BEND6: variants seen among roughly 807,000 people sequenced by gnomAD.
The protein encoded by BEND6 is BEN domain containing 6.
In BEND6, 24 loss-of-function variants were observed where a neutral mutation model predicts 31.8. That is an observed-to-expected ratio of 0.75 (90% CI 0.55 to 1.06). BEND6 has a LOEUF of 1.06. Among genes scored for constraint, BEND6 ranks in the 50% least tolerant of loss-of-function variants. BEND6 has a pLI of 0.00. For synonymous variants in BEND6, 109 were observed against 114.6 expected (o/e 0.95, Z 0.31); for missense variants, 294 against 327.4 (o/e 0.90, Z 0.79).
chr6:56,971,282 T>G (rs1464397221), intron 1 of BEND6, among the ~76,000 whole-genome samples: 1 of 152,216 alleles, frequency 6.6e-6, no homozygotes, highest in Non-Finnish European at 1.5e-5. Flanking sequence ...TCAAGGTAAA[T>G]CCATGTTATA....
intron 6 of BEND6, among the ~76,000 whole-genome samples, chr6:57,020,443 C>T (rs1449751941): frequency 2.0e-5 from 3 of 152,158 alleles, no homozygotes; most frequent in Non-Finnish European, 4.4e-5. Context: ...ATTTTTGAAA[C>T]GGAGTCTTGC....
At chr6:56,990,552 C>A (rs1253216951) in intron 2 of BEND6, among the ~76,000 whole-genome samples, 2 of 152,032 alleles carry the variant, frequency 1.3e-5, no homozygotes, top group African/African-American at 4.8e-5. Flanking sequence ...CGACCTCAGG[C>A]CACTCTCTTC....
In BEND6 at chr6:57,026,114, A is replaced by G. The variant is rs1827893654; in HGVS notation, c.*42A>G. 6.6e-6 allele frequency: 1 copy of G among 152,180 alleles called. No homozygotes were observed. The highest frequency in any genetic ancestry group is 1.5e-5 in the Non-Finnish European group (1 of 68,036). 9.4% of individuals were successfully genotyped at this position (152,180 alleles called of 1,614,324 possible). A position where few individuals can be genotyped will look rare whatever the true frequency, so the allele number is the denominator to read the frequency against. On this transcript the variant is annotated 3_prime_UTR_variant, in exon 7 of 7. Coordinates refer to ENST00000370746, the MANE Select transcript of BEND6 (RefSeq NM_152731.3). Reference sequence around the variant, plus strand: ...AGGTATCTGAAACAAAGCACCTTCAATTCTAAATCTAGCACTGGATTTTGT... The same window carrying G: ...AGGTATCTGAAACAAAGCACCTTCAGTTCTAAATCTAGCACTGGATTTTGT...
intron 6 of BEND6, among the ~76,000 whole-genome samples, chr6:57,020,841 T>TTG (rs1554290994): frequency 6.8e-6 from 1 of 147,890 alleles, no homozygotes; most frequent in East Asian, 2.1e-4. Context: ...TTGTTTTTTT[T>TTG]TTTTTTTTTT....
intron 2 of BEND6, among the ~76,000 whole-genome samples, chr6:56,986,168 C>G (rs1695713693): frequency 6.6e-6 from 1 of 151,948 alleles, no homozygotes; most frequent in Non-Finnish European, 1.5e-5. Flanking sequence ...CTGCCTACTT[C>G]TGATATTAGT....
intron 3 of BEND6, among the ~76,000 whole-genome samples, chr6:57,013,109 C>T (rs1371939923): frequency 3.3e-5 from 5 of 152,140 alleles, no homozygotes; most frequent in African/African-American, 1.2e-4. Context: ...TTATTTTTTG[C>T]ATATACCTCA....
intron 1 of BEND6, among the ~76,000 whole-genome samples, chr6:56,979,169 G>T (rs1477345005): frequency 6.6e-6 from 1 of 152,114 alleles, no homozygotes. Flanking sequence ...GCAATTTGAG[G>T]CGCTTCCACC....
intron 1 of BEND6, among the ~76,000 whole-genome samples, chr6:56,956,952 T>C (rs1825106047): frequency 6.6e-6 from 1 of 152,204 alleles, no homozygotes; most frequent in Admixed American, 6.5e-5. Context: ...TGTGCAGACA[T>C]TGGGGGAAAT....
rs1464603753 is a variant in BEND6, at chr6:57,017,291, A to G, written c.604A>G (p.Thr202Ala). The change falls in exon 5 of 7, where the codon ACA (threonine) becomes GCA (alanine). Residue 202 changes from threonine (T) to alanine (A), a missense_variant. Coordinates refer to ENST00000370746, the MANE Select transcript of BEND6 (RefSeq NM_152731.3). ...FINDLMQVLY[T>A]NEYMATHSLT... ...TAATGATTTAATGCAAGTACTTTAC[A>G]CAAATGAATACATGGCCACTCACAG... 3 of 1,539,560 alleles carry G rather than the reference A, an allele frequency of 1.9e-6. No homozygotes were observed. Among genetic ancestry groups the G allele is most frequent in the Non-Finnish European group, 2.6e-6 (3 of 1,143,280 alleles).
chr6:57,016,008 A>G (rs1426198011), intron 4 of BEND6, among the ~76,000 whole-genome samples: 2 of 152,126 alleles, frequency 1.3e-5, no homozygotes, highest in African/African-American at 4.8e-5. Context: ...TAGAAAATTA[A>G]AGCAAATTGG....
At chr6:56,969,526 A>G (rs1035575261) in intron 1 of BEND6, among the ~76,000 whole-genome samples, 1 of 152,172 alleles carries the variant, frequency 6.6e-6, no homozygotes, top group East Asian at 1.9e-4. Flanking sequence ...TTTTATGTCT[A>G]TACATTTCAA....
chr6:56,966,717 T>C (rs1445495112), intron 1 of BEND6, among the ~76,000 whole-genome samples: 2 of 152,160 alleles, frequency 1.3e-5, no homozygotes, highest in Non-Finnish European at 2.9e-5. Flanking sequence ...AACATGAAAG[T>C]AAGCCAGCCA....
chr6:56,973,731 G>A (rs1321786069), intron 1 of BEND6, among the ~76,000 whole-genome samples: 1 of 152,112 alleles, frequency 6.6e-6, no homozygotes, highest in Non-Finnish European at 1.5e-5. Flanking sequence ...CATGCTACTT[G>A]GGATGGCATT....
chr6:56,968,770 A>G (rs1334715137), intron 1 of BEND6, among the ~76,000 whole-genome samples: 1 of 152,058 alleles, frequency 6.6e-6, no homozygotes, highest in Non-Finnish European at 1.5e-5. Flanking sequence ...GAAAATATTT[A>G]TGTCATTTGA....
intron 3 of BEND6, among the ~76,000 whole-genome samples, chr6:56,993,751 G>A (rs1410178245): frequency 6.6e-6 from 1 of 152,162 alleles, no homozygotes; most frequent in African/African-American, 2.4e-5. Flanking sequence ...AGGATGGAGT[G>A]CAGTGGTGAG....
intron 2 of BEND6, among the ~76,000 whole-genome samples, chr6:56,986,362 C>G (rs533253558): frequency 9.9e-5 from 15 of 152,104 alleles, no homozygotes; most frequent in Non-Finnish European, 1.9e-4. Flanking sequence ...TGCTTGAGCC[C>G]AGGAGTTCGA....
intron 5 of BEND6, 97 bp from the exon 6 acceptor site, chr6:57,018,324 A>G: frequency 7.5e-7 from 1 of 1,334,600 alleles, no homozygotes; most frequent in African/African-American, 1.5e-5. Flanking sequence ...TGGAAAAAAA[A>G]TTATAATGTA....
chr6:56,988,334 C>T (rs897548916), intron 2 of BEND6, among the ~76,000 whole-genome samples: 1 of 151,912 alleles, frequency 6.6e-6, no homozygotes, highest in African/African-American at 2.4e-5. Flanking sequence ...TTTTTTTCAA[C>T]TGAATCTGCT....
At chr6:57,002,391 C>T (rs1826977272) in intron 3 of BEND6, among the ~76,000 whole-genome samples, 2 of 152,174 alleles carry the variant, frequency 1.3e-5, no homozygotes, top group Admixed American at 1.3e-4. Flanking sequence ...GAATATTCCA[C>T]CCATCAACCA....
Sources: allele counts gnomAD v4.1 joint callset (sites outside exome capture counted in the v4.1 genomes callset), GRCh38; gene constraint gnomAD v4.1.1; transcripts MANE v1.5; gene names NCBI Gene and HGNC (gene_info 2026-07-23, HGNC 2026-07-21).